Variants in PPP1R1C observed in about 807,000 individuals in gnomAD.
PPP1R1C encodes the protein protein phosphatase 1 regulatory subunit 1C.
PPP1R1C carries 15 observed loss-of-function variants against 17.4 expected under a neutral mutation model. That is an observed-to-expected ratio of 0.86 (90% CI 0.58 to 1.33). The LOEUF (loss-of-function observed/expected upper bound fraction) is 1.33, where lower values mean the gene tolerates loss of function less well. Among genes scored for constraint, PPP1R1C ranks in the 40% most tolerant of loss-of-function variants. The pLI is 0.00. For missense variants in PPP1R1C, 143 were observed against 130.0 expected (o/e 1.10, Z -0.48); for synonymous variants, 35 against 43.1 (o/e 0.81, Z 0.73).
chr2:182,086,071 A>G (rs1280235965), intron 4 of PPP1R1C, among the ~76,000 whole-genome samples: 1 of 152,190 alleles, frequency 6.6e-6, no homozygotes, highest in Non-Finnish European at 1.5e-5. Flanking sequence ...TTAAGATTTT[A>G]TAAAGAAAAA....
chr2:182,087,423 TACTCTATATTTTCCCATGCTGCTTTC>T (rs748206152), intron 4 of PPP1R1C, among the ~76,000 whole-genome samples: 1 of 152,242 alleles, frequency 6.6e-6, no homozygotes, highest in Non-Finnish European at 1.5e-5. Context: ...TCTGTTCCTC[TACTCTATATTTTCCCATGCTGCTTTC>T]ATCTTTTTAA....
downstream of PPP1R1C, among the ~76,000 whole-genome samples, chr2:182,119,671 T>A (rs1331870174): frequency 2.6e-5 from 4 of 152,252 alleles, no homozygotes; most frequent in Non-Finnish European, 5.9e-5. Flanking sequence ...GATGAGCATT[T>A]TTTCATGTGT....
chr2:181,977,132 TAAAAAAAAAAAAAAAAAAAAAAAAAAAA>T (rs67129466), intron 2 of PPP1R1C, among the ~76,000 whole-genome samples: 1,766 of 19,884 alleles, frequency 0.089, 92 homozygotes, highest in African/African-American at 0.2. Context: ...AGAATCTATC[TAAAAAAAAAAAAAAAAAAAAAAAAAAAA>T]AAAAAAAAAA....
intron 4 of PPP1R1C, among the ~76,000 whole-genome samples, chr2:182,067,115 A>G (rs915984048): frequency 2.6e-5 from 4 of 152,124 alleles, no homozygotes; most frequent in Non-Finnish European, 5.9e-5. Context: ...AGCAGGGCCT[A>G]TTAGTATTGC....
At position 182,052,918 on chromosome 2, in the gene PPP1R1C, G is replaced by A. The variant is rs544511042; in HGVS notation, c.143-8524G>A. ...ATGAGTGAGCCAAGAAAAAAAAATC[G>A]TATGTTTGAATTCTAAACAAAATAT... is the stretch of plus-strand genomic sequence containing the variant. On this transcript the variant is annotated intron_variant, in intron 2 of 4. Coordinates refer to ENST00000682840, the MANE Select transcript of PPP1R1C (RefSeq NM_001080545.3). Among the ~76,000 whole-genome samples the A allele has an allele frequency of 2.0e-5, 3 of 152,000 alleles. No individual in the cohort carries two copies. In the East Asian group the frequency reaches 5.8e-4, roughly 29 times the overall value.
chr2:182,044,652 A>G (rs911850173), intron 2 of PPP1R1C, among the ~76,000 whole-genome samples: 10 of 152,278 alleles, frequency 6.6e-5, no homozygotes, highest in Admixed American at 5.9e-4. Flanking sequence ...CTTATTTATC[A>G]TACTGTACTG....
At chr2:182,002,408 C>G (rs1685793384) in intron 2 of PPP1R1C, among the ~76,000 whole-genome samples, 1 of 152,060 alleles carries the variant, frequency 6.6e-6, no homozygotes, top group East Asian at 1.9e-4. Flanking sequence ...AAACGATTAC[C>G]TGCTCCAAAT....
intron 2 of PPP1R1C, among the ~76,000 whole-genome samples, chr2:182,008,274 G>A (rs531490624): frequency 1.6e-4 from 24 of 152,036 alleles, no homozygotes; most frequent in Non-Finnish European, 2.9e-4. Flanking sequence ...AGTTTCAAAG[G>A]ACCCTTCCAT....
chr2:182,104,001 C>T (rs1411043028), intron 4 of PPP1R1C, among the ~76,000 whole-genome samples: 2 of 152,116 alleles, frequency 1.3e-5, no homozygotes, highest in Non-Finnish European at 2.9e-5. Context: ...GCCATGGACC[C>T]GATGGGATTA....
At chr2:182,005,104 A>T (rs1685878720) in intron 2 of PPP1R1C, among the ~76,000 whole-genome samples, 1 of 152,236 alleles carries the variant, frequency 6.6e-6, no homozygotes, top group Non-Finnish European at 1.5e-5. Flanking sequence ...TAGAGTAAGC[A>T]CAATGTGCTT....
chr2:181,963,930 C>G (rs1382472133), intron 1 of PPP1R1C, among the ~76,000 whole-genome samples: 1 of 151,860 alleles, frequency 6.6e-6, no homozygotes, highest in Non-Finnish European at 1.5e-5. Flanking sequence ...TATCCATCAC[C>G]TCAAACATTT....
At position 181,960,911 on chromosome 2, in the gene PPP1R1C, GC is replaced by G. The variant is rs370954068; in HGVS notation, n.111+6278del. Among the ~76,000 whole-genome samples the G allele has an allele frequency of 4.5e-4, 69 of 152,292 alleles. No individual in the cohort carries two copies. In the Middle Eastern group the frequency reaches 0.01, roughly 23 times the overall value. On this transcript the variant is annotated intron_variant and non_coding_transcript_variant, in intron 1 of 5. Coordinates refer to the PPP1R1C transcript ENST00000464264. Reference sequence around the variant, plus strand: ...TGAATTACAGAAATTCCATTGAAATGCGTTGAAATGATAGCAAACATTTTAG... The same window carrying G: ...TGAATTACAGAAATTCCATTGAAATGGTTGAAATGATAGCAAACATTTTAG...
Position 182,063,793 on chromosome 2 carries a change from T to C in PPP1R1C, c.241+2T>C, listed in dbSNP as rs185659701. 1.3e-4 allele frequency: 203 copies of C among 1,611,898 alleles called. No homozygotes were observed. Among genetic ancestry groups the C allele is most frequent in the Non-Finnish European group, 1.4e-5 (17 of 1,178,270 alleles). On this transcript the variant is annotated splice_donor_variant, in intron 4 of 4. Transcript: ENST00000682840. LOFTEE classifies it high-confidence loss of function. Reference sequence around the variant, plus strand: ...TGTACACACCACCCACCATAAAAGGTACTGTTCAGGTACTGTTTCGGGTTG... The same window carrying C: ...TGTACACACCACCCACCATAAAAGGCACTGTTCAGGTACTGTTTCGGGTTG...
chr2:182,111,140 G>A (rs1689405413), intron 4 of PPP1R1C, among the ~76,000 whole-genome samples: 1 of 152,112 alleles, frequency 6.6e-6, no homozygotes, highest in Non-Finnish European at 1.5e-5. Context: ...ATATGTAATA[G>A]TACCTTCTTC....
At chr2:182,012,546 TA>T (rs895785353) in intron 2 of PPP1R1C, among the ~76,000 whole-genome samples, 1 of 151,852 alleles carries the variant, frequency 6.6e-6, no homozygotes, top group East Asian at 1.9e-4. Context: ...TGGGTCTTTT[TA>T]AAAAAAACCT....
chr2:182,015,856 G>A (rs568284949), intron 2 of PPP1R1C, among the ~76,000 whole-genome samples: 20 of 152,052 alleles, frequency 1.3e-4, no homozygotes, highest in Admixed American at 4.6e-4. Flanking sequence ...CCAGAGCTGC[G>A]AGCTTCACTG....
chr2:181,964,631 T>C (rs1684874385), intron 1 of PPP1R1C, among the ~76,000 whole-genome samples: 1 of 152,182 alleles, frequency 6.6e-6, no homozygotes, highest in Non-Finnish European at 1.5e-5. Context: ...ATAGGATTTG[T>C]TATTATCTGT....
chr2:182,032,640 A>G (rs1686880509), intron 2 of PPP1R1C, among the ~76,000 whole-genome samples: 1 of 152,154 alleles, frequency 6.6e-6, no homozygotes, highest in Non-Finnish European at 1.5e-5. Flanking sequence ...GTGTGGGCTC[A>G]AAGTTAGACT....
chr2:182,013,957 C>T lies in PPP1R1C; in HGVS notation c.142+26058C>T, dbSNP rs137980265. Among the ~76,000 whole-genome samples, 538 of 152,316 alleles carry T rather than the reference C, an allele frequency of 3.5e-3. 6 individuals carry two copies. Among genetic ancestry groups the T allele is most frequent in the African/African-American group, 0.012 (479 of 41,562 alleles). On this transcript the variant is annotated intron_variant, in intron 2 of 4. Coordinates refer to ENST00000682840, the MANE Select transcript of PPP1R1C (RefSeq NM_001080545.3). ...TCCTTTTCTGTGTTATCTTGAATTT[C>T]ATTGAGCTTGCTCAAAACAACTATT... is the stretch of plus-strand genomic sequence containing the variant.
Sources: allele counts gnomAD v4.1 joint callset (sites outside exome capture counted in the v4.1 genomes callset), GRCh38; gene constraint gnomAD v4.1.1; transcripts MANE v1.5; gene names NCBI Gene and HGNC (gene_info 2026-07-23, HGNC 2026-07-21).